The following SNTG1 variants were observed in gnomAD, a reference collection of about 807,000 sequenced individuals.
The protein encoded by SNTG1 is gamma-1-syntrophin.
A neutral mutation model predicts 74.7 loss-of-function variants in SNTG1; 39 were observed. That is an observed-to-expected ratio of 0.52 (90% CI 0.40 to 0.68). The LOEUF (loss-of-function observed/expected upper bound fraction) is 0.68. Ranked by LOEUF, SNTG1 falls within the 30% of genes least tolerant of loss-of-function variation. The pLI is 0.00. For synonymous variants in SNTG1, 254 were observed against 217.1 expected, an observed-to-expected ratio of 1.17 and a Z score of -1.49; for missense variants, 685 against 609.5, an observed-to-expected ratio of 1.12 and a Z score of -1.30.
chr8:50,624,551 T>C (rs1161513556), intron 13 of SNTG1, among the ~76,000 whole-genome samples: 1 of 152,098 alleles, frequency 6.6e-6, no homozygotes, highest in East Asian at 1.9e-4. Flanking sequence ...CTAAGAAAGT[T>C]ACCTTGGTAG....
In SNTG1 at chr8:50,007,131, C is replaced by A. The variant is rs571808225; in HGVS notation, c.-103+94900C>A. On this transcript the variant is annotated intron_variant, in intron 1 of 18. Coordinates refer to ENST00000642720, the MANE Select transcript of SNTG1 (RefSeq NM_018967.5). Reference sequence around the variant, plus strand: ...AGTCCCCTCTACTGGTTTGCCTCAACTTGCTTGGTATGGTGGGACTCTATT... The same window carrying A: ...AGTCCCCTCTACTGGTTTGCCTCAAATTGCTTGGTATGGTGGGACTCTATT... Among the ~76,000 whole-genome samples the A allele has an allele frequency of 3.3e-5, 5 of 152,192 alleles. No individual in the cohort carries two copies. In the South Asian group the frequency reaches 1.0e-3, roughly 32 times the overall value.
chr8:50,167,316 AAT>A (rs1409209347), intron 1 of SNTG1, among the ~76,000 whole-genome samples: 18 of 147,394 alleles, frequency 1.2e-4, no homozygotes, highest in African/African-American at 4.3e-4. Context: ...AAATAAAAAA[AAT>A]AAAATAAAAT....
chr8:50,622,805 A>G (rs2094931622), intron 13 of SNTG1, among the ~76,000 whole-genome samples: 2 of 152,064 alleles, frequency 1.3e-5, no homozygotes, highest in African/African-American at 4.8e-5. Context: ...ATTTCTAAGA[A>G]CATAATAAAA....
intron 8 of SNTG1, among the ~76,000 whole-genome samples, chr8:50,499,843 A>T (rs548522360): frequency 6.6e-6 from 1 of 152,026 alleles, no homozygotes; most frequent in Non-Finnish European, 1.5e-5. Flanking sequence ...CCAACCTTGT[A>T]TTCCTGGATT....
chr8:50,343,477 T>C (rs2130950366), intron 2 of SNTG1, among the ~76,000 whole-genome samples: 1 of 152,326 alleles, frequency 6.6e-6, no homozygotes, highest in South Asian at 2.1e-4. Flanking sequence ...GCAATTGATT[T>C]ATTTTAATTA....
At chr8:50,733,447 A>G (rs1402021838) in intron 17 of SNTG1, among the ~76,000 whole-genome samples, 1 of 152,062 alleles carries the variant, frequency 6.6e-6, no homozygotes, top group Non-Finnish European at 1.5e-5. Flanking sequence ...ATATATACCC[A>G]GTAATGGGAT....
intron 10 of SNTG1, among the ~76,000 whole-genome samples, chr8:50,533,498 T>G (rs1316013165): frequency 2.0e-5 from 3 of 152,130 alleles, no homozygotes; most frequent in Non-Finnish European, 4.4e-5. Context: ...TATTGAAAAA[T>G]AGTCATGGTT....
intron 13 of SNTG1, among the ~76,000 whole-genome samples, chr8:50,599,577 CT>C (rs2094757760): frequency 6.6e-6 from 1 of 151,770 alleles, no homozygotes; most frequent in Non-Finnish European, 1.5e-5. Flanking sequence ...TCTTTCATTT[CT>C]TTGTTATTTG....
intron 1 of SNTG1, among the ~76,000 whole-genome samples, chr8:49,989,437 A>C (rs1813475548): frequency 1.3e-5 from 2 of 152,010 alleles, no homozygotes; most frequent in African/African-American, 2.4e-5. Flanking sequence ...AGCAGTTAAC[A>C]GATTGAATTA....
intron 4 of SNTG1, among the ~76,000 whole-genome samples, chr8:50,433,171 A>G (rs1563379663): frequency 2.0e-5 from 3 of 152,210 alleles, no homozygotes; most frequent in Non-Finnish European, 4.4e-5. Flanking sequence ...CATTGCTGAT[A>G]TGTAAGAAAG....
intron 1 of SNTG1, among the ~76,000 whole-genome samples, chr8:50,007,273 T>C (rs776096793): frequency 6.6e-6 from 1 of 152,188 alleles, no homozygotes; most frequent in Non-Finnish European, 1.5e-5. Context: ...ATCCTACTTC[T>C]GGGCTGCTCC....
At chr8:50,738,930 T>C (rs2095535932) in intron 17 of SNTG1, among the ~76,000 whole-genome samples, 1 of 152,104 alleles carries the variant, frequency 6.6e-6, no homozygotes, top group Non-Finnish European at 1.5e-5. Context: ...GATTAAAGAC[T>C]TAAACATAAG....
intron 2 of SNTG1, among the ~76,000 whole-genome samples, chr8:50,333,424 C>T (rs371341583): frequency 6.6e-6 from 1 of 152,046 alleles, no homozygotes; most frequent in South Asian, 2.1e-4. Context: ...ATCTTCTTAC[C>T]TCATTTATTA....
Position 50,112,774 on chromosome 8 carries a change from G to A in SNTG1, c.-102-59787G>A, listed in dbSNP as rs368110321. ...TCCACCTGCTTCGGCCTCCTAAAGT[G>A]CTGGGATTACAGGCATGAGCCACTG... On this transcript the variant is annotated intron_variant, in intron 1 of 18. Coordinates refer to ENST00000642720, the MANE Select transcript of SNTG1 (RefSeq NM_018967.5). 3.5e-3 allele frequency among the ~76,000 whole-genome samples: 534 copies of A among 152,092 alleles called. 4 individuals are homozygous for A. The highest frequency in any genetic ancestry group is 0.012 in the African/African-American group (515 of 41,518).
chr8:50,445,171 A>C (rs2093395234), intron 5 of SNTG1, among the ~76,000 whole-genome samples: 1 of 152,178 alleles, frequency 6.6e-6, no homozygotes, highest in Non-Finnish European at 1.5e-5. Flanking sequence ...AATCAAACGA[A>C]GTATGTTGGC....
At chr8:50,783,195 G>A (rs2095665044) in intron 18 of SNTG1, among the ~76,000 whole-genome samples, 1 of 152,212 alleles carries the variant, frequency 6.6e-6, no homozygotes, top group South Asian at 2.1e-4. Flanking sequence ...ATCTCCAGCT[G>A]CCTGCTTGGA....
At chr8:50,314,904 TG>T (rs1412181446) in intron 2 of SNTG1, among the ~76,000 whole-genome samples, 1 of 149,782 alleles carries the variant, frequency 6.7e-6, no homozygotes, top group Non-Finnish European at 1.5e-5. Flanking sequence ...GTCTACTAGG[TG>T]ATCATTACCT....
At chr8:50,778,546 G>A (rs889611765) in intron 18 of SNTG1, among the ~76,000 whole-genome samples, 1 of 151,876 alleles carries the variant, frequency 6.6e-6, no homozygotes, top group Non-Finnish European at 1.5e-5. Flanking sequence ...TTTTTGATGG[G>A]GTTGTTTGTT....
chr8:50,723,055 T>C (rs1012418544), intron 17 of SNTG1, among the ~76,000 whole-genome samples: 7 of 152,152 alleles, frequency 4.6e-5, no homozygotes, highest in African/African-American at 1.7e-4. Flanking sequence ...GTTAAATGAT[T>C]TTCTTTTATG....
Sources: allele counts gnomAD v4.1 joint callset (sites outside exome capture counted in the v4.1 genomes callset), GRCh38; gene constraint gnomAD v4.1.1; transcripts MANE v1.5; gene names NCBI Gene and HGNC (gene_info 2026-07-23, HGNC 2026-07-21).